PRELID2: variants seen among roughly 807,000 people sequenced by gnomAD.
PRELID2 encodes PRELI domain-containing protein 2.
In PRELID2, 25 loss-of-function variants were observed where a neutral mutation model predicts 28.4. The ratio of observed to expected loss-of-function variants is 0.88; its 90% CI spans 0.64 to 1.23. The LOEUF is 1.23. Among genes scored for constraint, PRELID2 ranks in the 50% most tolerant of loss-of-function variants. PRELID2 has a pLI of 0.00. For synonymous variants in PRELID2, 76 were observed against 71.6 expected, an observed-to-expected ratio of 1.06 and a Z score of -0.31; for missense variants, 201 against 214.4, an observed-to-expected ratio of 0.94 and a Z score of 0.39.
At chr5:145,345,497 G>A in the PRELID2 span, among the ~76,000 whole-genome samples, 1 of 152,008 alleles carries the variant, frequency 6.6e-6, no homozygotes, top group African/African-American at 2.4e-5. Flanking sequence ...TGAGAATAAA[G>A]TCAGGATGGC....
chr5:145,341,670 C>T, the PRELID2 span, among the ~76,000 whole-genome samples: 11 of 149,282 alleles, frequency 7.4e-5, no homozygotes, highest in Non-Finnish European at 1.3e-4. Flanking sequence ...TAAGAAAGAA[C>T]TTGAAGACAG....
chr5:145,618,534 C>T (rs1369668317), intron 1 of PRELID2, among the ~76,000 whole-genome samples: 1 of 152,168 alleles, frequency 6.6e-6, no homozygotes, highest in Non-Finnish European at 1.5e-5. Context: ...TGATATGAAC[C>T]ATCTATGGGT....
chr5:145,699,790 C>T (rs1755365772), intron 1 of PRELID2, among the ~76,000 whole-genome samples: 1 of 152,194 alleles, frequency 6.6e-6, no homozygotes, highest in Non-Finnish European at 1.5e-5. Context: ...AGCACAGCTG[C>T]CGCACAAATT....
the PRELID2 span, among the ~76,000 whole-genome samples, chr5:145,252,547 G>A: frequency 1.8e-3 from 279 of 152,130 alleles, no homozygotes; most frequent in African/African-American, 6.3e-3. Flanking sequence ...TAGTACAAAG[G>A]AAGCACTAAT....
At chr5:145,410,007 A>G in the PRELID2 span, among the ~76,000 whole-genome samples, 3 of 152,220 alleles carry the variant, frequency 2.0e-5, no homozygotes, top group Non-Finnish European at 2.9e-5. Context: ...AATAAAGCCA[A>G]ATACTTACAG....
chr5:145,615,275 T>A (rs770790697), intron 1 of PRELID2, among the ~76,000 whole-genome samples: 7 of 151,856 alleles, frequency 4.6e-5, no homozygotes, highest in Admixed American at 1.3e-4. Flanking sequence ...CTTCCACCCC[T>A]TTACTTTAAG....
At chr5:145,468,681 T>G (rs1752025525), downstream of PRELID2, among the ~76,000 whole-genome samples, 1 of 152,208 alleles carries the variant, frequency 6.6e-6, no homozygotes, top group African/African-American at 2.4e-5. Flanking sequence ...ATGATGAGCA[T>G]TTTTTCATGT....
chr5:145,735,196 G>A (rs1290970077), intron 1 of PRELID2, among the ~76,000 whole-genome samples: 11 of 147,576 alleles, frequency 7.5e-5, no homozygotes. Context: ...AGTGAGTTGA[G>A]ATTGCACCAT....
intron 1 of PRELID2, among the ~76,000 whole-genome samples, chr5:145,558,055 A>G (rs989198765): frequency 6.6e-6 from 1 of 152,246 alleles, no homozygotes; most frequent in Non-Finnish European, 1.5e-5. Context: ...TTTAATGAGC[A>G]CTAAGTCATA....
At chr5:145,455,680 C>T in the PRELID2 span, among the ~76,000 whole-genome samples, 1 of 152,058 alleles carries the variant, frequency 6.6e-6, no homozygotes, top group African/African-American at 2.4e-5. Context: ...AGTTGTATTC[C>T]TAGGTATTTT....
the PRELID2 span, among the ~76,000 whole-genome samples, chr5:145,414,849 T>C: frequency 6.6e-6 from 1 of 152,214 alleles, no homozygotes; most frequent in Non-Finnish European, 1.5e-5. Flanking sequence ...TGATTTCATT[T>C]GAATATGTCC....
intron 1 of PRELID2, among the ~76,000 whole-genome samples, chr5:145,542,492 G>A (rs904750352): frequency 2.0e-5 from 3 of 152,080 alleles, no homozygotes; most frequent in Non-Finnish European, 4.4e-5. Context: ...CCCCAACATT[G>A]CGCTCATGGT....
At chr5:145,319,470 A>G in the PRELID2 span, among the ~76,000 whole-genome samples, 1 of 151,998 alleles carries the variant, frequency 6.6e-6, no homozygotes, top group East Asian at 1.9e-4. Flanking sequence ...GGAGTTTGAG[A>G]CCAGCCTGGC....
intron 1 of PRELID2, among the ~76,000 whole-genome samples, chr5:145,654,814 A>C (rs62392291): frequency 0.072 from 10,922 of 152,202 alleles, 1,002 homozygotes; most frequent in African/African-American, 0.21. Flanking sequence ...CAAAAACTGG[A>C]AGCATTCCCT....
At chr5:145,398,493 C>A in the PRELID2 span, among the ~76,000 whole-genome samples, 2 of 152,218 alleles carry the variant, frequency 1.3e-5, no homozygotes, top group South Asian at 4.2e-4. Context: ...CATCCCTAAA[C>A]CCTCTGCATA....
chr5:145,300,614 A>G, the PRELID2 span, among the ~76,000 whole-genome samples: 10 of 152,006 alleles, frequency 6.6e-5, no homozygotes, highest in African/African-American at 2.2e-4. Context: ...GTTTTATCCC[A>G]CAATACAAGC....
intron 1 of PRELID2, among the ~76,000 whole-genome samples, chr5:145,571,990 A>AAAAAAG (rs530908027): frequency 1.3e-5 from 2 of 151,106 alleles, no homozygotes; most frequent in African/African-American, 4.9e-5. Flanking sequence ...TCAAAAAAAA[A>AAAAAAG]AAAGAAAGAA....
At chr5:145,487,715 C>G (rs1349748772) in intron 1 of PRELID2, among the ~76,000 whole-genome samples, 1 of 152,052 alleles carries the variant, frequency 6.6e-6, no homozygotes, top group African/African-American at 2.4e-5. Context: ...CTGTCTTCCC[C>G]CATTTTTTAG....
intron 1 of PRELID2, among the ~76,000 whole-genome samples, chr5:145,727,897 G>A (rs556634647): frequency 6.6e-6 from 1 of 152,200 alleles, no homozygotes; most frequent in Non-Finnish European, 1.5e-5. Flanking sequence ...TTTATATCAA[G>A]AGTAACATTT....
Sources: gnomAD v4.1 joint callset for allele counts (sites outside exome capture counted in the v4.1 genomes callset) on GRCh38, gnomAD v4.1.1 for gene constraint, MANE v1.5 for transcripts, NCBI Gene and HGNC (gene_info 2026-07-23, HGNC 2026-07-21) for gene names.